The following TMPRSS15 variants were observed in gnomAD, a reference collection of about 807,000 sequenced individuals.
TMPRSS15 encodes the protein enteropeptidase.
A neutral mutation model predicts 125.3 loss-of-function variants in TMPRSS15; 128 were observed. The ratio of observed to expected loss-of-function variants is 1.02; its 90% confidence interval spans 0.89 to 1.18. TMPRSS15 has a LOEUF of 1.18. TMPRSS15 is among the 50% of genes most tolerant of loss of function. TMPRSS15 has a pLI of 0.00. For synonymous variants in TMPRSS15, 446 were observed against 423.2 expected, an observed-to-expected ratio of 1.05 and a Z score of -0.66; for missense variants, 1,283 against 1,212.7, an observed-to-expected ratio of 1.06 and a Z score of -0.86.
intron 1 of TMPRSS15, among the ~76,000 whole-genome samples, chr21:18,445,410 A>T (rs542902487): frequency 1.6e-4 from 25 of 152,144 alleles, no homozygotes; most frequent in Admixed American, 6.5e-4. Flanking sequence ...CAAACTCCTG[A>T]CTTCAAGTGA....
At chr21:18,423,518 C>G (rs1399968579) in intron 1 of TMPRSS15, among the ~76,000 whole-genome samples, 1 of 151,422 alleles carries the variant, frequency 6.6e-6, no homozygotes, top group African/African-American at 2.4e-5. Context: ...AGGCCATTCT[C>G]CTGCCTCAGC....
Position 18,448,334 on chromosome 21 carries a change from G to A in TMPRSS15, c.10+37465C>T, listed in dbSNP as rs186002642. On this transcript the variant is annotated intron_variant, in intron 1 of 7. Coordinates refer to the TMPRSS15 transcript ENST00000422787. The stretch of plus-strand genomic sequence containing the variant: ...TTACTAAAGAAGAGTCACTAAGAAT[G>A]CAGACTCTGGAGTGAGATTTCTTTA... Among the ~76,000 whole-genome samples, 5 of 152,254 alleles carry A rather than the reference G, an allele frequency of 3.3e-5. No individual in the cohort carries two copies. The East Asian group carries it at 9.6e-4, about 29-fold the overall frequency.
In TMPRSS15 at chr21:18,352,984, T is replaced by C. The variant is rs760662327; in HGVS notation, c.1090A>G (p.Asn364Asp). Residue 364 changes from asparagine to aspartate, a missense_variant, in exon 10 of 25, where the codon AAT becomes GAT. Physicochemically the swap from Asn to Asp is conservative, Grantham distance 23. Transcript: ENST00000284885. ...CFWVQDLNDD[N>D]EWERIQGSTF... ...CTTCCCTGAATCCTTTCCCATTCAT[T>C]ATCATCATTTAGATCCTGGACCCAG... 7 of 1,612,088 alleles carry C rather than the reference T, an allele frequency of 4.3e-6. No individual in the cohort carries two copies. In the Admixed American group the frequency reaches 6.7e-5, roughly 15 times the overall value.
chr21:18,401,180 A>T (rs949193580), intron 1 of TMPRSS15, among the ~76,000 whole-genome samples: 3 of 152,220 alleles, frequency 2.0e-5, no homozygotes. Context: ...GCTATTTCTC[A>T]AAGAACCTAA....
chr21:18,457,848 T>C (rs775228603), intron 1 of TMPRSS15, among the ~76,000 whole-genome samples: 1 of 152,186 alleles, frequency 6.6e-6, no homozygotes, highest in Non-Finnish European at 1.5e-5. Context: ...TAATCTACTT[T>C]TGTTGTTTAA....
intron 1 of TMPRSS15, among the ~76,000 whole-genome samples, chr21:18,439,062 C>T (rs1238565044): frequency 6.6e-6 from 1 of 152,142 alleles, no homozygotes; most frequent in Non-Finnish European, 1.5e-5. Flanking sequence ...AAAGTCAATT[C>T]TCTCTTTATA....
intron 1 of TMPRSS15, chr21:18,477,565 G>GTAATT (rs1479869305): frequency 1.3e-5 from 2 of 152,074 alleles, no homozygotes; most frequent in Admixed American, 1.3e-4. Context: ...AGGGACTCAT[G>GTAATT]TAATTCAGGT....
chr21:18,369,686 T>C (rs567111332), intron 6 of TMPRSS15, among the ~76,000 whole-genome samples: 1 of 152,210 alleles, frequency 6.6e-6, no homozygotes, highest in Admixed American at 6.5e-5. Flanking sequence ...AAACTTCATA[T>C]TGGAAAAATT....
chr21:18,339,581 T>C (rs930982807), intron 13 of TMPRSS15, among the ~76,000 whole-genome samples: 5 of 152,110 alleles, frequency 3.3e-5, no homozygotes, highest in African/African-American at 1.2e-4. Flanking sequence ...AAGTACTGCG[T>C]TTGTGGGATC....
At chr21:18,319,823 C>G (rs1456447652) in intron 16 of TMPRSS15, among the ~76,000 whole-genome samples, 3 of 152,188 alleles carry the variant, frequency 2.0e-5, no homozygotes, top group African/African-American at 2.4e-5. Context: ...CATACCTAAT[C>G]CTTTCCTCTC....
rs887573146 is a variant in TMPRSS15, at chr21:18,339,563, A to C, written c.1564+1850T>G. 5.2e-4 allele frequency among the ~76,000 whole-genome samples: 79 copies of C among 152,200 alleles called. 1 individual carries two copies. Among genetic ancestry groups the C allele is most frequent in the Non-Finnish European group, 8.8e-5 (6 of 68,032 alleles). On this transcript the variant is annotated intron_variant, in intron 13 of 24. Transcript: ENST00000284885. ...TAAGTGTGCTTCAAAGAAAATGAGA[A>C]ATGGAAAAAGTACTGCGTTTGTGGG...
intron 1 of TMPRSS15, among the ~76,000 whole-genome samples, chr21:18,426,187 G>T (rs866903737): frequency 6.6e-6 from 1 of 152,134 alleles, no homozygotes; most frequent in Non-Finnish European, 1.5e-5. Context: ...GTAAGTAGTT[G>T]TACTGTGCAG....
At chr21:18,469,843 TTAAA>T (rs1372268233) in intron 1 of TMPRSS15, among the ~76,000 whole-genome samples, 4 of 152,214 alleles carry the variant, frequency 2.6e-5, no homozygotes, top group South Asian at 2.1e-4. Flanking sequence ...TGTGTCTTTA[TTAAA>T]TAGTTTTGTA....
At chr21:18,317,316 T>G (rs1225484714) in intron 16 of TMPRSS15, among the ~76,000 whole-genome samples, 1 of 137,612 alleles carries the variant, frequency 7.3e-6, no homozygotes, top group East Asian at 1.9e-4. Context: ...CTATACTTAT[T>G]GAAAAAAATA....
intron 1 of TMPRSS15, among the ~76,000 whole-genome samples, chr21:18,434,287 T>C (rs934942394): frequency 6.6e-6 from 1 of 152,190 alleles, no homozygotes; most frequent in Non-Finnish European, 1.5e-5. Flanking sequence ...TACATGCACA[T>C]ATATACACAC....
In TMPRSS15 at chr21:18,325,934, A is replaced by G. The variant is rs1438014438; in HGVS notation, c.1921+498T>C. Among the ~76,000 whole-genome samples, 4 of 152,040 alleles carry G rather than the reference A, an allele frequency of 2.6e-5. No homozygotes were observed. In the East Asian group the frequency reaches 7.7e-4, roughly 29 times the overall value. On this transcript the variant is annotated intron_variant, in intron 16 of 24. Transcript: ENST00000284885. ...GATATACTAAAACACCTAGTGTCGG[A>G]GGGTTGGGCACGTCAGCAAATAGCA...
chr21:18,321,195 A>AT (rs371580534), intron 16 of TMPRSS15, among the ~76,000 whole-genome samples: 74 of 152,316 alleles, frequency 4.9e-4, no homozygotes, highest in African/African-American at 1.6e-3. Context: ...CATATACTTT[A>AT]TTACAGTAGA....
rs976219951 is a variant in TMPRSS15 at position 18,423,536 on chromosome 21, G to A, written c.11-25207C>T. Among the ~76,000 whole-genome samples the A allele has an allele frequency of 5.3e-5, 8 of 151,198 alleles. No homozygotes were observed. In the East Asian group the frequency reaches 1.6e-3, roughly 29 times the overall value. On this transcript the variant is annotated intron_variant, in intron 1 of 7. Transcript: ENST00000422787. ...CCATTCTCCTGCCTCAGCCTCCTGA[G>A]TAGCTGGGACTACAGGCGCCCGCCA...
chr21:18,273,754 C>T (rs901144991), intron 24 of TMPRSS15, among the ~76,000 whole-genome samples: 1 of 152,116 alleles, frequency 6.6e-6, no homozygotes, highest in Non-Finnish European at 1.5e-5. Context: ...GCACACTTTT[C>T]ATTTTAAAAA....
Sources: allele counts gnomAD v4.1 joint callset (sites outside exome capture counted in the v4.1 genomes callset), GRCh38; gene constraint gnomAD v4.1.1; transcripts MANE v1.5; gene names NCBI Gene and HGNC (gene_info 2026-07-23, HGNC 2026-07-21).